The following SEMA3E variants were observed in gnomAD, a reference collection of about 807,000 sequenced individuals.
SEMA3E encodes semaphorin 3E, also known as semaphorin-3E.
Under a neutral mutation model 93.6 loss-of-function variants are expected in SEMA3E, and 49 were observed. That is an observed-to-expected ratio of 0.52 (90% CI 0.42 to 0.66). The LOEUF (loss-of-function observed/expected upper bound fraction) is 0.66, where lower values mean the gene tolerates loss of function less well. Ranked by LOEUF, SEMA3E falls within the 30% of genes least tolerant of loss-of-function variation. The pLI is 0.00. For missense variants in SEMA3E, 906 were observed against 964.8 expected (o/e 0.94, Z 0.81); for synonymous variants, 363 against 330.7 (o/e 1.10, Z -1.06).
At chr7:83,511,956 T>G (rs1333493851) in intron 1 of SEMA3E, among the ~76,000 whole-genome samples, 1 of 152,256 alleles carries the variant, frequency 6.6e-6, no homozygotes, top group Non-Finnish European at 1.5e-5. Context: ...ATGTTCCAAT[T>G]GTTGCAACAT....
At chr7:83,605,923 T>A (rs1793108211) in intron 1 of SEMA3E, among the ~76,000 whole-genome samples, 1 of 152,346 alleles carries the variant, frequency 6.6e-6, no homozygotes, top group South Asian at 2.1e-4. Flanking sequence ...TGGTAGTTTC[T>A]TTTGCTGTGC....
At position 83,498,340 on chromosome 7, in the gene SEMA3E, T is replaced by G. The variant is rs939776839; in HGVS notation, c.116-8066A>C. On this transcript the variant is annotated intron_variant, in intron 1 of 16. Coordinates refer to ENST00000643230, the MANE Select transcript of SEMA3E (RefSeq NM_012431.3). ...TATTGAACATCCACTGTGTTAGGAA[T>G]TATATCTGGAGTTTCAGAGGAATAC... Among the ~76,000 whole-genome samples the G allele has an allele frequency of 3.3e-5, 5 of 152,180 alleles. No homozygotes were observed. The South Asian group carries it at 6.2e-4, about 19-fold the overall frequency.
intron 1 of SEMA3E, among the ~76,000 whole-genome samples, chr7:83,620,744 T>G (rs931298711): frequency 6.6e-6 from 1 of 151,924 alleles, no homozygotes; most frequent in African/African-American, 2.4e-5. Flanking sequence ...AAATAAAAAC[T>G]ATATGATTTT....
At chr7:83,427,793 C>G (rs1211134007) in intron 4 of SEMA3E, among the ~76,000 whole-genome samples, 3 of 152,098 alleles carry the variant, frequency 2.0e-5, no homozygotes, top group Non-Finnish European at 4.4e-5. Context: ...TTTCAGTGAC[C>G]CCAAAGCAAT....
At chr7:83,477,958 T>C (rs6467950) in intron 2 of SEMA3E, among the ~76,000 whole-genome samples, 80,748 of 151,466 alleles carry the variant, frequency 0.53, 22,036 homozygotes, top group African/African-American at 0.6. Context: ...TTCACTCTTA[T>C]TGCTCAGGCT....
intron 1 of SEMA3E, among the ~76,000 whole-genome samples, chr7:83,533,606 A>C (rs1677105330): frequency 6.7e-6 from 1 of 150,290 alleles, no homozygotes; most frequent in African/African-American, 2.4e-5. Flanking sequence ...TAAATGAAAC[A>C]AGCAAAATCA....
At chr7:83,476,077 G>A (rs181742801) in intron 2 of SEMA3E, among the ~76,000 whole-genome samples, 58 of 152,206 alleles carry the variant, frequency 3.8e-4, no homozygotes, top group Admixed American at 2.0e-3. Flanking sequence ...AATTACAGAG[G>A]GCAAGGCAGT....
chr7:83,480,902 G>A (rs76168613), intron 2 of SEMA3E, among the ~76,000 whole-genome samples: 2,533 of 152,030 alleles, frequency 0.017, 69 homozygotes, highest in African/African-American at 0.058. Flanking sequence ...TAAATTGCAG[G>A]GAATGGGTGT....
At chr7:83,488,158 T>C (rs1790305152) in intron 2 of SEMA3E, among the ~76,000 whole-genome samples, 1 of 151,986 alleles carries the variant, frequency 6.6e-6, no homozygotes, top group South Asian at 2.1e-4. Context: ...TTTCAAAGTA[T>C]GCATAATAAG....
At chr7:83,509,436 T>C (rs1283414640) in intron 1 of SEMA3E, among the ~76,000 whole-genome samples, 3 of 152,210 alleles carry the variant, frequency 2.0e-5, no homozygotes, top group African/African-American at 4.8e-5. Flanking sequence ...CTCAGTTTCC[T>C]GGAGGCAACG....
At chr7:83,459,780 C>T (rs951341986) in intron 4 of SEMA3E, among the ~76,000 whole-genome samples, 8 of 152,146 alleles carry the variant, frequency 5.3e-5, no homozygotes, top group African/African-American at 1.9e-4. Context: ...ATGCCCTGCC[C>T]CACCTTAACT....
At chr7:83,630,237 C>G (rs1334039292) in intron 1 of SEMA3E, among the ~76,000 whole-genome samples, 2 of 152,170 alleles carry the variant, frequency 1.3e-5, no homozygotes, top group East Asian at 3.9e-4. Context: ...ATTTGGCCAT[C>G]TTGCCCGGGA....
chr7:83,551,496 T>C (rs1791764085), intron 1 of SEMA3E, among the ~76,000 whole-genome samples: 1 of 151,974 alleles, frequency 6.6e-6, no homozygotes, highest in Non-Finnish European at 1.5e-5. Flanking sequence ...AAATTCAAGA[T>C]AGTGATACCC....
rs767079046 is a variant in SEMA3E, at chr7:83,396,613, G to A, written c.1458+25C>T. 7.3e-6 allele frequency: 10 copies of A among 1,373,342 alleles called. No individual in the cohort carries two copies. The South Asian group carries it at 8.2e-5, about 11-fold the overall frequency. 85.1% of individuals were successfully genotyped at this position (1,373,342 alleles called of 1,614,324 possible). A position where few individuals can be genotyped will look rare whatever the true frequency, so the allele number is the denominator to read the frequency against. The stretch of plus-strand genomic sequence containing the variant: ...ACTTGTAGTTGTAATGCATAAATTT[G>A]GTCTGTATTTTTTGCTTTAAATACC... On this transcript the variant is annotated intron_variant, in intron 12 of 16. Transcript: ENST00000643230.
At chr7:83,518,467 G>T (rs1466633442) in intron 1 of SEMA3E, among the ~76,000 whole-genome samples, 2 of 151,930 alleles carry the variant, frequency 1.3e-5, no homozygotes, top group Non-Finnish European at 2.9e-5. Flanking sequence ...TATAGAAATG[G>T]GCTTTGGTTT....
chr7:83,430,602 C>G (rs1788861383), intron 4 of SEMA3E, among the ~76,000 whole-genome samples: 1 of 152,158 alleles, frequency 6.6e-6, no homozygotes, highest in Non-Finnish European at 1.5e-5. Flanking sequence ...ACCACATGTT[C>G]TCACTCGTAA....
At chr7:83,473,848 C>G (rs1453664023) in intron 2 of SEMA3E, among the ~76,000 whole-genome samples, 2 of 152,032 alleles carry the variant, frequency 1.3e-5, no homozygotes, top group Admixed American at 1.3e-4. Context: ...AATCCCAGCA[C>G]TTTGGGAGGC....
chr7:83,573,573 A>G (rs2115877713), intron 1 of SEMA3E, among the ~76,000 whole-genome samples: 1 of 152,212 alleles, frequency 6.6e-6, no homozygotes, highest in East Asian at 1.9e-4. Flanking sequence ...ACAGGAGGAT[A>G]AAGGCATTTT....
At chr7:83,398,732 T>C (rs929281974) in intron 11 of SEMA3E, among the ~76,000 whole-genome samples, 3 of 151,988 alleles carry the variant, frequency 2.0e-5, no homozygotes, top group African/African-American at 7.2e-5. Flanking sequence ...TCACCTGAGG[T>C]CAGGAGTTCG....
Sources: allele counts gnomAD v4.1 joint callset (sites outside exome capture counted in the v4.1 genomes callset), GRCh38; gene constraint gnomAD v4.1.1; transcripts MANE v1.5; gene names NCBI Gene and HGNC (gene_info 2026-07-23, HGNC 2026-07-21).